Variants in THAP6 observed in about 807,000 individuals in gnomAD.
The protein encoded by THAP6 is THAP domain-containing protein 6.
THAP6 carries 13 observed loss-of-function variants against 20.0 expected under a neutral mutation model. The observed-to-expected ratio is 0.65, with a 90% CI of 0.42 to 1.03. THAP6 has a LOEUF of 1.03. Among genes scored for constraint, THAP6 ranks in the 50% least tolerant of loss-of-function variants. The pLI is 0.00. For missense variants in THAP6, 262 were observed against 261.6 expected, an observed-to-expected ratio of 1.00 and a Z score of -0.01; for synonymous variants, 93 against 92.2, an observed-to-expected ratio of 1.01 and a Z score of -0.05.
At position 75,521,754 on chromosome 4, in the gene THAP6, C is replaced by G. The variant is rs912843175; in HGVS notation, c.307C>G (p.His103Asp). Reference sequence around the variant, plus strand: ...TTAACAGGGGAAAAGAGAAAAACTTCATTGTAGAAAAAACTTCACCCTCAA... The same window carrying G: ...TTAACAGGGGAAAAGAGAAAAACTTGATTGTAGAAAAAACTTCACCCTCAA... ...YHLQGKREKL[H>D]CRKNFTLKTV... The change falls in exon 4 of 5, where the codon CAT (histidine) becomes GAT (aspartate). Residue 103 changes from histidine to aspartate, a missense_variant. Physicochemically the swap from His to Asp is moderately conservative, Grantham distance 81. Coordinates refer to ENST00000311638, the MANE Select transcript of THAP6 (RefSeq NM_144721.6). The G allele has an allele frequency of 6.8e-6, 11 of 1,611,298 alleles. No homozygotes were observed. The African/African-American group carries it at 1.3e-4, about 20-fold the overall frequency.
chr4:75,546,472 T>C (rs918575678), intron 3 of THAP6, among the ~76,000 whole-genome samples: 4 of 152,238 alleles, frequency 2.6e-5, no homozygotes, highest in South Asian at 4.1e-4. Flanking sequence ...TTAGAAGCAA[T>C]TGATTTCTCA....
At chr4:75,540,471 G>A (rs191706701) in intron 2 of THAP6, among the ~76,000 whole-genome samples, 54 of 152,268 alleles carry the variant, frequency 3.5e-4, no homozygotes, top group African/African-American at 1.2e-3. Flanking sequence ...TCCATGTTCT[G>A]TGGTCAGTTA....
At chr4:75,531,626 C>T (rs114989690), downstream of THAP6, among the ~76,000 whole-genome samples, 15,453 of 152,084 alleles carry the variant, frequency 0.1, 871 homozygotes, top group Middle Eastern at 0.27. Context: ...AAGACATACC[C>T]GAGACTGAGC....
At chr4:75,544,335 GTC>G (rs1331105370) in intron 3 of THAP6, 6 of 152,076 alleles carry the variant, frequency 3.9e-5, no homozygotes, top group African/African-American at 1.4e-4. Flanking sequence ...TAGAGACAGA[GTC>G]TCACTCCATC....
At chr4:75,533,120 A>G (rs1372691089), downstream of THAP6, among the ~76,000 whole-genome samples, 1 of 152,160 alleles carries the variant, frequency 6.6e-6, no homozygotes, top group African/African-American at 2.4e-5. Context: ...TTTCCTTATA[A>G]AACTGAATGC....
intron 2 of THAP6, among the ~76,000 whole-genome samples, chr4:75,541,955 C>CAA (rs61213735): frequency 6.8e-5 from 7 of 102,410 alleles, no homozygotes; most frequent in Admixed American, 2.0e-4. Context: ...AGACTGTCTC[C>CAA]AAAAAAAAAA....
In THAP6 at chr4:75,514,485, C is replaced by G; in HGVS notation, c.-56C>G. The stretch of plus-strand genomic sequence containing the variant: ...CGGAAGCGAAGGCAGACGCAGTCTC[C>G]GTCGTTGACGTTAGTCGCAGTCTTC... On this transcript the variant is annotated 5_prime_UTR_variant, in exon 1 of 5. Coordinates refer to ENST00000311638, the MANE Select transcript of THAP6 (RefSeq NM_144721.6). 1.8e-6 allele frequency: 1 copy of G among 545,076 alleles called. No homozygotes were observed. The highest frequency in any genetic ancestry group is 3.2e-6 in the Non-Finnish European group (1 of 308,026). The allele number at this position is 545,076 out of a possible 1,614,324, so 33.8% of individuals were successfully genotyped here.
In THAP6 at chr4:75,522,061, G is replaced by A. The variant is rs1038633406; in HGVS notation, c.414+200G>A. 34 of 525,434 alleles carry A rather than the reference G, an allele frequency of 6.5e-5. No homozygotes were observed. The Admixed American group carries it at 1.1e-3, about 17-fold the overall frequency. 32.5% of individuals were successfully genotyped at this position (525,434 alleles called of 1,614,324 possible). On this transcript the variant is annotated intron_variant, in intron 4 of 4. Transcript: ENST00000311638. Reference sequence around the variant, plus strand: ...GGTAGTTAATCCTTTGGTTACATATGTAGTTCACTGAAGAAGGCTTTTGCA... The same window carrying A: ...GGTAGTTAATCCTTTGGTTACATATATAGTTCACTGAAGAAGGCTTTTGCA...
chr4:75,518,103 A>G (rs1171965832), intron 3 of THAP6, among the ~76,000 whole-genome samples: 1 of 152,208 alleles, frequency 6.6e-6, no homozygotes, highest in Non-Finnish European at 1.5e-5. Context: ...AATATACAGT[A>G]TCTTGGGAAA....
Position 75,527,359 on chromosome 4 carries a change from GA to G in THAP6, c.*146del. The G allele has an allele frequency of 6.9e-7, 1 of 1,440,048 alleles. No individual in the cohort carries two copies. The highest frequency in any genetic ancestry group is 9.1e-7 in the Non-Finnish European group (1 of 1,098,104). 89.2% of individuals were successfully genotyped at this position (1,440,048 alleles called of 1,614,324 possible). A position where few individuals can be genotyped will look rare whatever the true frequency, so the allele number is the denominator to read the frequency against. ...TTATGCATTATAGTTGTTATCCAAA[GA>G]CTTTTTTGAAAATATGCAGAAATTT... On this transcript the variant is annotated 3_prime_UTR_variant, in exon 5 of 5. Transcript: ENST00000311638.
At chr4:75,523,751 G>C (rs139992691) in intron 4 of THAP6, among the ~76,000 whole-genome samples, 4,105 of 144,636 alleles carry the variant, frequency 0.028, 81 homozygotes, top group Non-Finnish European at 0.042. Flanking sequence ...CAGTGAGCTT[G>C]ATCGCATTCA....
chr4:75,534,492 G>A (rs1235158446), downstream of THAP6, among the ~76,000 whole-genome samples: 15 of 152,154 alleles, frequency 9.9e-5, no homozygotes, highest in South Asian at 2.1e-4. Flanking sequence ...CATTCAGGAC[G>A]TAGGCATGGG....
chr4:75,532,775 C>T (rs1409051853), downstream of THAP6, among the ~76,000 whole-genome samples: 3 of 151,954 alleles, frequency 2.0e-5, no homozygotes, highest in Non-Finnish European at 2.9e-5. Context: ...CCCTCTGAAG[C>T]CACGGCCCAA....
chr4:75,515,148 A>T (rs912341607), intron 1 of THAP6, among the ~76,000 whole-genome samples: 1 of 152,140 alleles, frequency 6.6e-6, no homozygotes, highest in Non-Finnish European at 1.5e-5. Flanking sequence ...TTAGTGTGCA[A>T]AAGGCTTTGT....
rs1381623312 is a variant in THAP6, at chr4:75,538,738, T to C, written c.166-3671T>C. On this transcript the variant is annotated intron_variant, in intron 2 of 4. Coordinates refer to the THAP6 transcript ENST00000502620. The stretch of plus-strand genomic sequence containing the variant: ...CTCCCTTTGGAGAACACGCTCAAGA[T>C]AAACAACTGTCCCCCTGCTGCCACA... Among the ~76,000 whole-genome samples the C allele has an allele frequency of 2.0e-5, 3 of 152,234 alleles. No individual in the cohort carries two copies. The East Asian group carries it at 5.8e-4, about 29-fold the overall frequency.
At chr4:75,535,881 T>C (rs1726836497) in intron 2 of THAP6, among the ~76,000 whole-genome samples, 1 of 152,184 alleles carries the variant, frequency 6.6e-6, no homozygotes, top group South Asian at 2.1e-4. Flanking sequence ...GCAATCTACC[T>C]GGGTACCTAC....
At chr4:75,517,537 A>T (rs993605382) in intron 3 of THAP6, 1 of 152,314 alleles carries the variant, frequency 6.6e-6, no homozygotes, top group African/African-American at 2.4e-5. Context: ...AATTAGCATA[A>T]CTGAAGATTT....
chr4:75,517,634 G>C (rs1725747218), intron 3 of THAP6: 1 of 152,156 alleles, frequency 6.6e-6, no homozygotes, highest in Non-Finnish European at 1.5e-5. Flanking sequence ...GTCAGGAGTA[G>C]AACCACTAAC....
chr4:75,533,259 GTTTC>G (rs1459252938), downstream of THAP6, among the ~76,000 whole-genome samples: 2 of 152,138 alleles, frequency 1.3e-5, no homozygotes, highest in African/African-American at 4.8e-5. Flanking sequence ...AATGCTGCCA[GTTTC>G]TTTACTAAAA....
Sources: gnomAD v4.1 joint callset for allele counts (sites outside exome capture counted in the v4.1 genomes callset) on GRCh38, gnomAD v4.1.1 for gene constraint, MANE v1.5 for transcripts, NCBI Gene and HGNC (gene_info 2026-07-23, HGNC 2026-07-21) for gene names.